ZSWIM6: variants seen among roughly 807,000 people sequenced by gnomAD.
ZSWIM6 encodes the protein zinc finger SWIM domain-containing protein 6.
A neutral mutation model predicts 113.2 loss-of-function variants in ZSWIM6; 9 were observed. That is an observed-to-expected ratio of 0.08 (90% CI 0.05 to 0.14). The LOEUF is 0.14. Among genes scored for constraint, ZSWIM6 ranks in the 10% least tolerant of loss-of-function variants. The probability of loss-of-function intolerance (pLI) is 1.00; values close to 1 mark genes in which losing one functional copy is unlikely to be tolerated. For missense variants in ZSWIM6, 1,162 were observed against 1,552.2 expected, an observed-to-expected ratio of 0.75 and a Z score of 4.22; for synonymous variants, 611 against 606.5, an observed-to-expected ratio of 1.01 and a Z score of -0.11.
chr5:61,349,142 T>G (rs193127989), intron 1 of ZSWIM6, among the ~76,000 whole-genome samples: 1 of 152,228 alleles, frequency 6.6e-6, no homozygotes, highest in Non-Finnish European at 1.5e-5. Flanking sequence ...TACACTGTTA[T>G]GGAGTAGTCA....
chr5:61,349,526 G>A (rs1744738952), intron 1 of ZSWIM6, among the ~76,000 whole-genome samples: 1 of 152,122 alleles, frequency 6.6e-6, no homozygotes, highest in African/African-American at 2.4e-5. Context: ...TATGACTGCT[G>A]GATAAGTAGG....
intron 5 of ZSWIM6, among the ~76,000 whole-genome samples, chr5:61,523,298 G>A (rs1212095379): frequency 6.6e-6 from 1 of 152,194 alleles, no homozygotes; most frequent in African/African-American, 2.4e-5. Flanking sequence ...GGCCATGGAC[G>A]GAATTTCTTG....
intron 1 of ZSWIM6, among the ~76,000 whole-genome samples, chr5:61,356,120 A>G (rs1299242469): frequency 6.6e-6 from 1 of 152,190 alleles, no homozygotes; most frequent in African/African-American, 2.4e-5. Context: ...GTTTCGGCAG[A>G]GATGGAGCCT....
chr5:61,389,761 T>C (rs1393346293), intron 1 of ZSWIM6, among the ~76,000 whole-genome samples: 3 of 152,190 alleles, frequency 2.0e-5, no homozygotes, highest in Non-Finnish European at 4.4e-5. Flanking sequence ...CCTGTGCAAC[T>C]GTCAGTGTTG....
intron 1 of ZSWIM6, among the ~76,000 whole-genome samples, chr5:61,456,890 C>CTTTTTTTTTTTTTTTTTTTTTTTTTTTTT (rs57188174): frequency 7.0e-6 from 1 of 142,760 alleles, no homozygotes. Flanking sequence ...TATCCAATTT[C>CTTTTTTTTTTTTTTTTTTTTTTTTTTTTT]TTTTTTTTTT....
At chr5:61,464,492 A>G (rs1323273046) in intron 1 of ZSWIM6, among the ~76,000 whole-genome samples, 1 of 152,138 alleles carries the variant, frequency 6.6e-6, no homozygotes, top group Non-Finnish European at 1.5e-5. Flanking sequence ...AGAAAGGGGA[A>G]TATGATGCCT....
In ZSWIM6 at chr5:61,535,560, C is replaced by T. The variant is rs377739461; in HGVS notation, c.2322C>T (p.Phe774=). 1.7e-5 allele frequency: 26 copies of T among 1,551,248 alleles called. No homozygotes were observed. Among genetic ancestry groups the T allele is most frequent in the Non-Finnish European group, 8.7e-7 (1 of 1,146,780 alleles). ...VPMHTFAKYL[F]TSLLPHDAEL... ...TGCACACATTTGCCAAGTATCTCTT[C>T]ACCTCTCTCCTACCTCACGATGCTG... The change falls in exon 10 of 14, where the codon TTC becomes TTT. Residue 774 remains phenylalanine (F), a synonymous_variant. Coordinates refer to ENST00000252744, the MANE Select transcript of ZSWIM6 (RefSeq NM_020928.2).
chr5:61,401,281 A>C (rs1487347196), intron 1 of ZSWIM6, among the ~76,000 whole-genome samples: 2 of 152,138 alleles, frequency 1.3e-5, no homozygotes, highest in Non-Finnish European at 2.9e-5. Flanking sequence ...TTACATTAAG[A>C]AGGCTTCCAG....
chr5:61,448,504 A>T (rs1324731245), intron 1 of ZSWIM6, among the ~76,000 whole-genome samples: 1 of 152,194 alleles, frequency 6.6e-6, no homozygotes, highest in Admixed American at 6.5e-5. Flanking sequence ...TACTTCATTA[A>T]AATGTTTTGC....
Position 61,431,744 on chromosome 5 carries a change from C to CA in ZSWIM6, c.677-40929dup, listed in dbSNP as rs572989920. Among the ~76,000 whole-genome samples, 32 of 151,028 alleles carry CA rather than the reference C, an allele frequency of 2.1e-4. No individual in the cohort carries two copies. In the South Asian group the frequency reaches 5.0e-3, roughly 24 times the overall value. On this transcript the variant is annotated intron_variant, in intron 1 of 13. Coordinates refer to ENST00000252744, the MANE Select transcript of ZSWIM6 (RefSeq NM_020928.2). ...TGGGCGACAGAGTGAGACTCCGTCT[C>CA]AAAAAAAACAAAACAAAAAAACAAA... is the stretch of plus-strand genomic sequence containing the variant.
intron 1 of ZSWIM6, among the ~76,000 whole-genome samples, chr5:61,379,113 A>G (rs937337264): frequency 1.5e-4 from 22 of 150,946 alleles, no homozygotes; most frequent in South Asian, 2.1e-4. Flanking sequence ...CCCAGGAGTC[A>G]AAAGCTGCAG....
Position 61,538,891 on chromosome 5 carries a change from G to A in ZSWIM6, c.2459G>A (p.Arg820His), listed in dbSNP as rs930745915. The A allele has an allele frequency of 7.1e-6, 11 of 1,552,124 alleles. No individual in the cohort carries two copies. The highest frequency in any genetic ancestry group is 1.4e-5 in the African/African-American group (1 of 73,038). ...PHHIASVVPNRYPRWFTLSHI... is the reference protein window; with the variant it reads ...PHHIASVVPNHYPRWFTLSHI... ...CACATTGCATCAGTTGTTCCCAACCGCTACCCTCGCTGGTTCACTCTAAGC... is the reference window on the plus strand; with the variant it reads ...CACATTGCATCAGTTGTTCCCAACCACTACCCTCGCTGGTTCACTCTAAGC... The change falls in exon 11 of 14, where the codon CGC (arginine) becomes CAC (histidine). Residue 820 changes from arginine (R) to histidine (H), a missense_variant. By Grantham distance (29) the Arg-to-His change is conservative (BLOSUM62 0). Around this residue, in one of 4 missense-constraint regions of ZSWIM6, gnomAD observed 620 missense variants for 804.6 expected, o/e 0.77. Coordinates refer to ENST00000252744, the MANE Select transcript of ZSWIM6 (RefSeq NM_020928.2).
At chr5:61,416,301 C>T (rs1746251171) in intron 1 of ZSWIM6, among the ~76,000 whole-genome samples, 1 of 152,152 alleles carries the variant, frequency 6.6e-6, no homozygotes, top group Admixed American at 6.5e-5. Context: ...ACTAGTGAAG[C>T]TTCTTTTACA....
intron 2 of ZSWIM6, among the ~76,000 whole-genome samples, chr5:61,482,290 T>C (rs1274727306): frequency 6.6e-6 from 1 of 151,658 alleles, no homozygotes; most frequent in Non-Finnish European, 1.5e-5. Context: ...TAAGTGGGAG[T>C]TGAACAATGA....
chr5:61,470,579 T>A (rs1158206740), intron 1 of ZSWIM6, among the ~76,000 whole-genome samples: 1 of 152,196 alleles, frequency 6.6e-6, no homozygotes, highest in Non-Finnish European at 1.5e-5. Flanking sequence ...TATTTAAAAA[T>A]TTTAGAATAT....
intron 1 of ZSWIM6, among the ~76,000 whole-genome samples, chr5:61,368,682 T>C (rs1745207897): frequency 6.6e-6 from 1 of 152,214 alleles, no homozygotes; most frequent in African/African-American, 2.4e-5. Context: ...GAAACAACTC[T>C]TACTGCTGGC....
chr5:61,347,715 A>G (rs1744689597), intron 1 of ZSWIM6: 1 of 152,248 alleles, frequency 6.6e-6, no homozygotes, highest in Admixed American at 6.5e-5. Context: ...ATAGAATATT[A>G]AAGAGAAAAC....
In ZSWIM6 at chr5:61,541,832, T is replaced by A; in HGVS notation, c.2704-52T>A. ...TTATAGTTTATCCCCCCCCTTTTTT[T>A]TCATTGACTCAGGATAATTTTCTAA... On this transcript the variant is annotated intron_variant, in intron 12 of 13. Transcript: ENST00000252744. 3 of 1,468,884 alleles carry A rather than the reference T, an allele frequency of 2.0e-6. No individual in the cohort carries two copies. In the South Asian group the frequency reaches 3.7e-5, roughly 18 times the overall value. 91.0% of individuals were successfully genotyped at this position (1,468,884 alleles called of 1,614,324 possible).
chr5:61,452,321 T>A (rs1036939514), intron 1 of ZSWIM6, among the ~76,000 whole-genome samples: 1 of 152,202 alleles, frequency 6.6e-6, no homozygotes, highest in African/African-American at 2.4e-5. Context: ...GCTTATTGAA[T>A]CTGCTGCTGG....
Sources: allele counts gnomAD v4.1 joint callset (sites outside exome capture counted in the v4.1 genomes callset), GRCh38; gene constraint gnomAD v4.1.1; regional missense constraint gnomAD v4.1.1; transcripts MANE v1.5; gene names NCBI Gene and HGNC (gene_info 2026-07-23, HGNC 2026-07-21).